PCDHA8: variants seen among roughly 807,000 people sequenced by gnomAD.
PCDHA8 encodes the protein protocadherin alpha-8.
In PCDHA8, 53 loss-of-function variants were observed where a neutral mutation model predicts 61.8. The observed-to-expected ratio is 0.86, with a 90% CI of 0.69 to 1.08. The LOEUF (loss-of-function observed/expected upper bound fraction) is 1.08, where lower values mean the gene tolerates loss of function less well. Ranked by LOEUF, PCDHA8 falls within the 50% of genes least tolerant of loss-of-function variation. The pLI is 0.00. For missense variants in PCDHA8, 1,293 were observed against 1,245.0 expected (o/e 1.04, Z -0.58); for synonymous variants, 618 against 556.6 (o/e 1.11, Z -1.55).
intron 1 of PCDHA8, chr5:140,969,293 C>T: frequency 6.2e-7 from 1 of 1,614,188 alleles, no homozygotes; most frequent in Admixed American, 1.7e-5. Flanking sequence ...TGCTGGGAAC[C>T]TGATTATTCT....
chr5:140,964,631 T>C (rs1415762552), intron 1 of PCDHA8, among the ~76,000 whole-genome samples: 1 of 152,074 alleles, frequency 6.6e-6, no homozygotes, highest in African/African-American at 2.4e-5. Flanking sequence ...ATAAGCCATT[T>C]ATTTTCAGAA....
chr5:140,879,101 A>G (rs2153365508), intron 1 of PCDHA8, among the ~76,000 whole-genome samples: 1 of 152,330 alleles, frequency 6.6e-6, no homozygotes, highest in East Asian at 1.9e-4. Context: ...TGCACAGTAT[A>G]TGGTGTAATT....
At chr5:140,870,077 G>T (rs2051636689) in intron 1 of PCDHA8, 1 of 1,613,688 alleles carries the variant, frequency 6.2e-7, no homozygotes, top group African/African-American at 1.3e-5. Context: ...ACAGATAAGG[G>T]GACTCCCCCA....
chr5:140,956,434 T>G (rs1554222427), intron 1 of PCDHA8, among the ~76,000 whole-genome samples: 1 of 152,236 alleles, frequency 6.6e-6, no homozygotes, highest in Non-Finnish European at 1.5e-5. Flanking sequence ...TTAGTTCTGC[T>G]TATGTGATGA....
At chr5:140,926,685 A>C in intron 1 of PCDHA8, 1 of 665,408 alleles carries the variant, frequency 1.5e-6, no homozygotes, top group Non-Finnish European at 2.3e-6. Context: ...CCTCCAGCCT[A>C]GCAAGCCCGG....
At chr5:140,991,409 T>C (rs1554252146) in intron 3 of PCDHA8, among the ~76,000 whole-genome samples, 2 of 152,232 alleles carry the variant, frequency 1.3e-5, no homozygotes, top group Non-Finnish European at 1.5e-5. Flanking sequence ...TTTCCCATTA[T>C]GCTATAACAA....
chr5:140,927,417 G>T (rs74597681), intron 1 of PCDHA8: 1 of 1,614,100 alleles, frequency 6.2e-7, no homozygotes, highest in Non-Finnish European at 8.5e-7. Flanking sequence ...ACATGGGATC[G>T]CGGGTTGACG....
intron 1 of PCDHA8, chr5:140,882,876 A>G (rs1554175925): frequency 6.2e-7 from 1 of 1,614,238 alleles, no homozygotes. Flanking sequence ...CTGGACAGAG[A>G]GGAAATTCAG....
rs149166530 is a variant in PCDHA8, at chr5:140,990,443, A to G, written c.2542+7880A>G. Among the ~76,000 whole-genome samples the G allele has an allele frequency of 8.3e-4, 127 of 152,344 alleles. 2 individuals carry two copies. The East Asian group carries it at 0.024, about 29-fold the overall frequency. On this transcript the variant is annotated intron_variant, in intron 3 of 3. Transcript: ENST00000531613. ...CCAGCATTGACCCAATCTTGTGTCC[A>G]GAGCTGTTGCTGTAGGTGGTATCAT...
At chr5:140,871,219 G>A in intron 1 of PCDHA8, 1 of 1,613,872 alleles carries the variant, frequency 6.2e-7, no homozygotes, top group African/African-American at 1.3e-5. Flanking sequence ...CATCTGCGTG[G>A]TGTCCAGCCT....
At chr5:140,926,483 A>C (rs1261469017) in intron 1 of PCDHA8, 4 of 168,788 alleles carry the variant, frequency 2.4e-5, no homozygotes, top group East Asian at 1.7e-4. Flanking sequence ...TAAGGAGAGA[A>C]GTGTTAGTGT....
chr5:140,852,930 G>C (rs1581296305), intron 1 of PCDHA8: 3 of 621,568 alleles, frequency 4.8e-6, no homozygotes, highest in Admixed American at 1.3e-4. Context: ...CCAGGCTGGA[G>C]TGCAGTGGTG....
chr5:140,997,864 C>A (rs2097788719), intron 3 of PCDHA8, among the ~76,000 whole-genome samples: 1 of 152,100 alleles, frequency 6.6e-6, no homozygotes, highest in South Asian at 2.1e-4. Context: ...ATTTCTTATG[C>A]ATGCTTGCTA....
intron 1 of PCDHA8, chr5:140,966,615 G>C (rs1423136904): frequency 3.9e-6 from 3 of 773,600 alleles, no homozygotes; most frequent in Non-Finnish European, 5.6e-6. Flanking sequence ...GAGGGCCTAC[G>C]GAGGGAGCGG....
At position 140,982,439 on chromosome 5, in the gene PCDHA8, G is replaced by A. The variant is rs553328430; in HGVS notation, c.2454-36G>A. The A allele has an allele frequency of 6.8e-5, 109 of 1,613,560 alleles. 3 individuals carry two copies. In the South Asian group the frequency reaches 1.0e-3, roughly 15 times the overall value. On this transcript the variant is annotated intron_variant, in intron 2 of 3. Transcript: ENST00000531613. ...GAAGAAGAGATGGGAAAGAATTTAT[G>A]ATCTAACCGTTATCTGGGTCTGTGT... is the stretch of plus-strand genomic sequence containing the variant.
Position 140,910,294 on chromosome 5 carries a change from A to C in PCDHA8, c.2394+66579A>C, listed in dbSNP as rs146332329. Among the ~76,000 whole-genome samples, 1,310 of 151,558 alleles carry C rather than the reference A, an allele frequency of 8.6e-3. 14 individuals carry two copies. The highest frequency in any genetic ancestry group is 0.03 in the African/African-American group (1,252 of 41,252). ...TCTAGGAACACCATGATTAATCAAC[A>C]GATGCCAGAGATCTACATGAGTCAG... On this transcript the variant is annotated intron_variant, in intron 1 of 3. Transcript: ENST00000531613.
chr5:140,863,356 CGGT>C, intron 1 of PCDHA8: 1 of 1,255,142 alleles, frequency 8.0e-7, no homozygotes, highest in Non-Finnish European at 1.1e-6. Flanking sequence ...CACGACGCTG[CGGT>C]GCTTGGCGCA....
intron 1 of PCDHA8, among the ~76,000 whole-genome samples, chr5:140,977,973 A>G (rs1336063493): frequency 4.6e-5 from 7 of 152,178 alleles, no homozygotes; most frequent in Admixed American, 3.9e-4. Flanking sequence ...TCCGCCCATG[A>G]AAACGCATCT....
intron 1 of PCDHA8, chr5:140,862,703 A>G (rs2047499886): frequency 3.6e-6 from 2 of 558,206 alleles, no homozygotes; most frequent in East Asian, 4.9e-5. Flanking sequence ...TTGATGGAAC[A>G]GCGGGTGGGC....
Sources: gnomAD v4.1 joint callset for allele counts (sites outside exome capture counted in the v4.1 genomes callset) on GRCh38, gnomAD v4.1.1 for gene constraint, MANE v1.5 for transcripts, NCBI Gene and HGNC (gene_info 2026-07-23, HGNC 2026-07-21) for gene names.